The following ZNF385D variants were observed in gnomAD, a reference collection of about 807,000 sequenced individuals.
ZNF385D encodes zinc finger protein 385D, also known as zinc finger protein 659.
A neutral mutation model predicts 35.8 loss-of-function variants in ZNF385D; 15 were observed. The observed-to-expected ratio is 0.42, with a 90% CI of 0.28 to 0.64. The LOEUF (loss-of-function observed/expected upper bound fraction) is 0.64. Ranked by LOEUF, ZNF385D falls within the 30% of genes least tolerant of loss-of-function variation. ZNF385D has a pLI of 0.23. For synonymous variants in ZNF385D, 212 were observed against 186.8 expected (o/e 1.13, Z -1.10); for missense variants, 474 against 494.6 (o/e 0.96, Z 0.39).
intron 2 of ZNF385D, among the ~76,000 whole-genome samples, chr3:21,566,982 A>G (rs1234217124): frequency 2.0e-5 from 3 of 152,300 alleles, no homozygotes; most frequent in East Asian, 1.9e-4. Flanking sequence ...CTTTCATTCA[A>G]TACAATGGTG....
chr3:21,809,456 G>A (rs559926818), intron 3 of ZNF385D, among the ~76,000 whole-genome samples: 9 of 151,804 alleles, frequency 5.9e-5, no homozygotes, highest in Admixed American at 1.3e-4. Flanking sequence ...TATCATAAAG[G>A]GGAGAAGAAA....
chr3:21,528,933 G>C (rs2061854632), intron 3 of ZNF385D, among the ~76,000 whole-genome samples: 1 of 152,094 alleles, frequency 6.6e-6, no homozygotes, highest in East Asian at 1.9e-4. Context: ...ATGGCCTTAA[G>C]AAAAAGAAGA....
chr3:22,224,359 A>G (rs1209797733), intron 2 of ZNF385D, among the ~76,000 whole-genome samples: 1 of 152,118 alleles, frequency 6.6e-6, no homozygotes, highest in Non-Finnish European at 1.5e-5. Context: ...TTTTATTTGG[A>G]TGAGTGTTGT....
chr3:21,586,454 C>T (rs1233898878), intron 2 of ZNF385D, among the ~76,000 whole-genome samples: 1 of 152,086 alleles, frequency 6.6e-6, no homozygotes, highest in Non-Finnish European at 1.5e-5. Context: ...TTATTAGACT[C>T]CTATGCTGTA....
intron 3 of ZNF385D, among the ~76,000 whole-genome samples, chr3:21,949,538 C>CT (rs1267430268): frequency 1.6e-5 from 2 of 125,976 alleles, no homozygotes; most frequent in Admixed American, 8.6e-5. Flanking sequence ...ATTTTCTTTC[C>CT]TTCTTTTCTT....
intron 2 of ZNF385D, among the ~76,000 whole-genome samples, chr3:22,190,342 C>T (rs1000114326): frequency 1.3e-5 from 2 of 152,158 alleles, no homozygotes; most frequent in African/African-American, 4.8e-5. Flanking sequence ...CTCTTGATGA[C>T]AGTGCATTTA....
chr3:22,106,883 A>C (rs1424220530), intron 3 of ZNF385D, among the ~76,000 whole-genome samples: 1 of 152,082 alleles, frequency 6.6e-6, no homozygotes, highest in Non-Finnish European at 1.5e-5. Context: ...ATTCTTCATA[A>C]GAGTGGTCAC....
chr3:21,517,258 A>G (rs986213365), intron 3 of ZNF385D, among the ~76,000 whole-genome samples: 3 of 152,074 alleles, frequency 2.0e-5, no homozygotes, highest in Non-Finnish European at 4.4e-5. Context: ...CTGTGTCCAG[A>G]CACCCTGAGA....
chr3:22,012,801 G>C (rs773330173), intron 3 of ZNF385D, among the ~76,000 whole-genome samples: 5 of 152,004 alleles, frequency 3.3e-5, no homozygotes, highest in Non-Finnish European at 7.4e-5. Context: ...CTTAGGAACT[G>C]GTAATCAGCT....
In ZNF385D at chr3:21,737,257, A is replaced by G. The variant is rs1182359688; in HGVS notation, c.22+13638T>C. Among the ~76,000 whole-genome samples the G allele has an allele frequency of 1.3e-5, 2 of 152,228 alleles. 1 individual carries two copies. Among genetic ancestry groups the G allele is most frequent in the East Asian group, 3.8e-4 (2 of 5,202 alleles). On this transcript the variant is annotated intron_variant, in intron 1 of 7. Transcript: ENST00000281523. ...ATAGATACATGTGTCCATGTAACAAAGAATTATTATGCACTATGATAGTCA... is the reference window on the plus strand; with the variant it reads ...ATAGATACATGTGTCCATGTAACAAGGAATTATTATGCACTATGATAGTCA...
Position 22,079,445 on chromosome 3 carries a change from T to G in ZNF385D, c.325+89372A>C, listed in dbSNP as rs1215542220. 2.6e-5 allele frequency among the ~76,000 whole-genome samples: 4 copies of G among 152,022 alleles called. No homozygotes were observed. The South Asian group carries it at 8.3e-4, about 32-fold the overall frequency. ...TGAAGATCTTTTCTATAATTCTAAA[T>G]GGAGGGGTTCAACAAAAGTTTAGCT... is the stretch of plus-strand genomic sequence containing the variant. On this transcript the variant is annotated intron_variant, in intron 3 of 5. Transcript: ENST00000494108.
chr3:21,604,073 TG>T (rs1432332114), intron 2 of ZNF385D, among the ~76,000 whole-genome samples: 1 of 152,184 alleles, frequency 6.6e-6, no homozygotes, highest in Non-Finnish European at 1.5e-5. Flanking sequence ...ACTGCTGCTT[TG>T]GTAAGCCTCC....
At chr3:21,883,760 A>G (rs1478097737) in intron 3 of ZNF385D, among the ~76,000 whole-genome samples, 1 of 152,066 alleles carries the variant, frequency 6.6e-6, no homozygotes, top group Non-Finnish European at 1.5e-5. Flanking sequence ...ATATAAGGCT[A>G]GAATTTATGT....
rs555808030 is a variant in ZNF385D at position 22,033,049 on chromosome 3, C to T, written c.325+135768G>A. Reference sequence around the variant, plus strand: ...GAAGAAGAAGACAGAATCAAGATTCCGAGATTGAATTTCTGCCCAAGACAT... The same window carrying T: ...GAAGAAGAAGACAGAATCAAGATTCTGAGATTGAATTTCTGCCCAAGACAT... On this transcript the variant is annotated intron_variant, in intron 3 of 5. Coordinates refer to the ZNF385D transcript ENST00000494108. Among the ~76,000 whole-genome samples the T allele has an allele frequency of 1.6e-4, 24 of 152,136 alleles. No homozygotes were observed. The East Asian group carries it at 3.3e-3, about 21-fold the overall frequency.
At chr3:22,040,663 T>C (rs1170718408) in intron 3 of ZNF385D, among the ~76,000 whole-genome samples, 1 of 152,308 alleles carries the variant, frequency 6.6e-6, no homozygotes, top group East Asian at 1.9e-4. Flanking sequence ...AACAAGGTCT[T>C]AGACTTCAGG....
At chr3:21,634,257 G>C (rs34948301) in intron 2 of ZNF385D, among the ~76,000 whole-genome samples, 74,403 of 149,592 alleles carry the variant, frequency 0.5, 18,857 homozygotes, top group Non-Finnish European at 0.55. Context: ...AGGGAGGGAG[G>C]GAGGAGGAAA....
intron 4 of ZNF385D, among the ~76,000 whole-genome samples, chr3:21,484,520 G>T (rs1704881909): frequency 6.6e-6 from 1 of 152,120 alleles, no homozygotes. Context: ...GCTGACAAAG[G>T]TTAACATCAT....
intron 3 of ZNF385D, among the ~76,000 whole-genome samples, chr3:21,813,574 AT>A (rs2073025341): frequency 6.6e-6 from 1 of 152,194 alleles, no homozygotes; most frequent in African/African-American, 2.4e-5. Context: ...TCAGTAGCTG[AT>A]TTGATCAAGT....
At chr3:21,470,337 T>C (rs1442739233) in intron 4 of ZNF385D, among the ~76,000 whole-genome samples, 1 of 152,174 alleles carries the variant, frequency 6.6e-6, no homozygotes, top group African/African-American at 2.4e-5. Context: ...TTTAGAATTC[T>C]CAGCCCAAAT....
Sources: allele counts gnomAD v4.1 joint callset (sites outside exome capture counted in the v4.1 genomes callset), GRCh38; gene constraint gnomAD v4.1.1; transcripts MANE v1.5; gene names NCBI Gene and HGNC (gene_info 2026-07-23, HGNC 2026-07-21).